Variants in GPRC5A observed in about 807,000 individuals in gnomAD.
GPRC5A encodes the protein retinoic acid-induced protein 3.
A neutral mutation model predicts 22.5 loss-of-function variants in GPRC5A; 19 were observed. That is an observed-to-expected ratio of 0.85 (90% CI 0.59 to 1.24). The LOEUF (loss-of-function observed/expected upper bound fraction) is 1.24, where lower values mean the gene tolerates loss of function less well. GPRC5A is among the 50% of genes most tolerant of loss of function. GPRC5A has a pLI of 0.00. For missense variants in GPRC5A, 471 were observed against 451.1 expected (o/e 1.04, Z -0.40); for synonymous variants, 192 against 184.5 (o/e 1.04, Z -0.33).
At chr12:12,905,987 G>A (rs1722136323) in intron 1 of GPRC5A, among the ~76,000 whole-genome samples, 1 of 152,112 alleles carries the variant, frequency 6.6e-6, no homozygotes, top group Non-Finnish European at 1.5e-5. Flanking sequence ...GAGGGGAGGG[G>A]TAGGGAGAGA....
chr12:12,914,999 A>G lies in GPRC5A; in HGVS notation c.*2460A>G, dbSNP rs1864049138. 6.6e-6 allele frequency: 1 copy of G among 150,380 alleles called. No homozygotes were observed. The highest frequency in any genetic ancestry group is 2.5e-5 in the African/African-American group (1 of 40,746). 9.3% of individuals were successfully genotyped at this position (150,380 alleles called of 1,614,324 possible). A position where few individuals can be genotyped will look rare whatever the true frequency, so the allele number is the denominator to read the frequency against. On this transcript the variant is annotated 3_prime_UTR_variant, in exon 4 of 4. Coordinates refer to ENST00000014914, the MANE Select transcript of GPRC5A (RefSeq NM_003979.4). Reference sequence around the variant, plus strand: ...GAGGAGGAGTAAAAGGTAAAATCACAAAATACTCTGGATCGGCATTTTTTT... The same window carrying G: ...GAGGAGGAGTAAAAGGTAAAATCACGAAATACTCTGGATCGGCATTTTTTT...
chr12:12,901,756 G>A (rs1490491883), intron 1 of GPRC5A, among the ~76,000 whole-genome samples: 2 of 134,746 alleles, frequency 1.5e-5, no homozygotes, highest in Non-Finnish European at 1.6e-5. Flanking sequence ...CATCAGACTT[G>A]GGCATCAAAA....
rs977455101 is a variant in GPRC5A at position 12,913,473 on chromosome 12, T to A, written c.*934T>A. On this transcript the variant is annotated 3_prime_UTR_variant, in exon 4 of 4. Coordinates refer to ENST00000014914, the MANE Select transcript of GPRC5A (RefSeq NM_003979.4). ...ATTTGTAGATCATTCTCACTTCAAA[T>A]TCCTGGGGCTGATACTTCTCTCATC... The A allele has an allele frequency of 6.6e-6, 1 of 152,212 alleles. No homozygotes were observed. The highest frequency in any genetic ancestry group is 2.4e-5 in the African/African-American group (1 of 41,456). 9.4% of individuals were successfully genotyped at this position (152,212 alleles called of 1,614,324 possible). A position where few individuals can be genotyped will look rare whatever the true frequency, so the allele number is the denominator to read the frequency against.
chr12:12,908,771 T>A lies in GPRC5A; in HGVS notation c.522T>A (p.Asn174Lys). The A allele has an allele frequency of 6.2e-7, 1 of 1,614,248 alleles. No homozygotes were observed. The highest frequency in any genetic ancestry group is 2.2e-5 in the East Asian group (1 of 44,884). The change falls in exon 2 of 4, where the codon AAT becomes AAA. Residue 174 changes from asparagine (N) to lysine (K), a missense_variant. Physicochemically the swap from Asn to Lys is moderately conservative, Grantham distance 94. Coordinates refer to ENST00000014914, the MANE Select transcript of GPRC5A (RefSeq NM_003979.4). ...VFSELSAPRRNEDFVLLLTYV... is the reference protein window; with the variant it reads ...VFSELSAPRRKEDFVLLLTYV... ...CTGAGCTTTCCGCTCCTCGTCGCAA[T>A]GAAGACTTTGTCCTCCTGCTCACCT...
At chr12:12,903,578 C>T (rs1298203430) in intron 1 of GPRC5A, among the ~76,000 whole-genome samples, 4 of 152,208 alleles carry the variant, frequency 2.6e-5, no homozygotes, top group Non-Finnish European at 4.4e-5. Flanking sequence ...TGAGCCACTG[C>T]GGCTGGCCTA....
chr12:12,897,620 T>G (rs1259103593), intron 1 of GPRC5A, among the ~76,000 whole-genome samples: 1 of 151,394 alleles, frequency 6.6e-6, no homozygotes, highest in African/African-American at 2.4e-5. Context: ...TTTTTTTTTT[T>G]TTTTTTGAGA....
Position 12,897,692 on chromosome 12 carries a change from T to C in GPRC5A, c.-8+6028T>C, listed in dbSNP as rs553854582. 2.4e-3 allele frequency among the ~76,000 whole-genome samples: 359 copies of C among 150,498 alleles called. 1 individual carries two copies. Among genetic ancestry groups the C allele is most frequent in the Non-Finnish European group, 3.6e-3 (244 of 67,738 alleles). On this transcript the variant is annotated intron_variant, in intron 1 of 3. Coordinates refer to ENST00000014914, the MANE Select transcript of GPRC5A (RefSeq NM_003979.4). ...GGCGTGATCTCAGCTCATTGCAGCC[T>C]CTGCCTCCTGGGTTCAAGCGGTTTT...
intron 1 of GPRC5A, among the ~76,000 whole-genome samples, chr12:12,897,669 C>T (rs1003660339): frequency 6.8e-6 from 1 of 146,280 alleles, no homozygotes; most frequent in Non-Finnish European, 1.5e-5. Flanking sequence ...AGTGTAGTGG[C>T]GTGATCTCAG....
Position 12,916,709 on chromosome 12 carries a change from A to G in GPRC5A, c.*4170A>G, listed in dbSNP as rs1864067536. On this transcript the variant is annotated 3_prime_UTR_variant, in exon 4 of 4. Coordinates refer to ENST00000014914, the MANE Select transcript of GPRC5A (RefSeq NM_003979.4). Reference sequence around the variant, plus strand: ...CATCCAATCTGGCATCTTTACGGAGAGCGGTCTCATATGCTATTGTTGTTA... The same window carrying G: ...CATCCAATCTGGCATCTTTACGGAGGGCGGTCTCATATGCTATTGTTGTTA... 6.6e-6 allele frequency: 1 copy of G among 152,110 alleles called. No individual in the cohort carries two copies. 9.4% of individuals were successfully genotyped at this position (152,110 alleles called of 1,614,324 possible).
chr12:12,907,418 G>T lies in GPRC5A; in HGVS notation c.-7-825G>T, dbSNP rs570098651. Among the ~76,000 whole-genome samples, 26 of 107,760 alleles carry T rather than the reference G, an allele frequency of 2.4e-4. No individual in the cohort carries two copies. In the East Asian group the frequency reaches 0.01, roughly 42 times the overall value. 70.7% of individuals were successfully genotyped at this position (107,760 alleles called of 152,430 possible). ...TCTGTCTCAAAAAAAAAAAAAAAGA[G>T]AGAGAAAGAAAAATCTACCATTCAG... On this transcript the variant is annotated intron_variant, in intron 1 of 3. Coordinates refer to ENST00000014914, the MANE Select transcript of GPRC5A (RefSeq NM_003979.4).
At chr12:12,901,146 GGCCAGAGGCTACTCAT>G (rs1863882969) in intron 1 of GPRC5A, among the ~76,000 whole-genome samples, 1 of 152,038 alleles carries the variant, frequency 6.6e-6, no homozygotes. Context: ...TCATGCCCAA[GGCCAGAGGCTACTCAT>G]GCTGAAACAT....
intron 1 of GPRC5A, among the ~76,000 whole-genome samples, chr12:12,903,725 C>T (rs1269594559): frequency 2.0e-5 from 3 of 152,186 alleles, no homozygotes; most frequent in Non-Finnish European, 4.4e-5. Flanking sequence ...TTTGTTGGAT[C>T]CTGGTCTGTG....
rs1232411420 is a variant in GPRC5A at position 12,915,712 on chromosome 12, G to A, written c.*3173G>A. 2 of 297,712 alleles carry A rather than the reference G, an allele frequency of 6.7e-6. No individual in the cohort carries two copies. The highest frequency in any genetic ancestry group is 9.7e-5 in the East Asian group (1 of 10,280). 18.4% of individuals were successfully genotyped at this position (297,712 alleles called of 1,614,324 possible). A position where few individuals can be genotyped will look rare whatever the true frequency, so the allele number is the denominator to read the frequency against. On this transcript the variant is annotated 3_prime_UTR_variant, in exon 4 of 4. Transcript: ENST00000014914. ...TCACTATATGGGCCAGGCAGATCTC[G>A]AACTCCAAACCTCGTGATCCACCTA...
rs1565465073 is a variant in GPRC5A, at chr12:12,908,356, C to T, written c.107C>T (p.Thr36Ile). 1 of 1,614,120 alleles carries T rather than the reference C, an allele frequency of 6.2e-7. No homozygotes were observed. Among genetic ancestry groups the T allele is most frequent in the African/African-American group, 1.3e-5 (1 of 75,058 alleles). Residue 36 changes from threonine to isoleucine, a missense_variant, in exon 2 of 4, where the codon ACA (threonine) becomes ATA (isoleucine). By Grantham distance (89) the Thr-to-Ile change is moderately conservative. Transcript: ENST00000014914. ...AWGIVLETVA[T>I]AGVVTSVAFM... The stretch of plus-strand genomic sequence containing the variant: ...GGCATCGTCCTAGAAACGGTGGCCA[C>T]AGCCGGGGTTGTGACCTCGGTGGCC...
rs767627654 is a variant in GPRC5A, at chr12:12,909,122, G to A, written c.873G>A (p.Lys291=). ...TCTGTAAACCTCAACTCGTGAAGAA[G>A]AGCTATGGTGTGGAGAACAGAGCCT... ...DAFCKPQLVK[K]SYGVENRAYS... is the part of the protein sequence containing the mutation. The change falls in exon 2 of 4, where the codon AAG becomes AAA. Residue 291 remains lysine (K), a synonymous_variant. Transcript: ENST00000014914. The A allele has an allele frequency of 4.4e-6, 7 of 1,600,172 alleles. No individual in the cohort carries two copies. The South Asian group carries it at 5.5e-5, about 13-fold the overall frequency.
chr12:12,905,110 C>T (rs996154192), intron 1 of GPRC5A, among the ~76,000 whole-genome samples: 2 of 152,114 alleles, frequency 1.3e-5, no homozygotes, highest in African/African-American at 4.8e-5. Context: ...GTCTCAAACT[C>T]CTGACCTCAG....
At chr12:12,901,060 C>T (rs1458391572) in intron 1 of GPRC5A, among the ~76,000 whole-genome samples, 2 of 152,100 alleles carry the variant, frequency 1.3e-5, no homozygotes, top group African/African-American at 4.8e-5. Flanking sequence ...CCTTGTGTTA[C>T]TGGATGGCTG....
In GPRC5A at chr12:12,908,756, C is replaced by T. The variant is rs779931794; in HGVS notation, c.507C>T (p.Ser169=). The change falls in exon 2 of 4, where the codon TCC becomes TCT. Residue 169 remains serine, a synonymous_variant. Transcript: ENST00000014914. The part of the protein sequence containing the change: ...RTNVNVFSEL[S]APRRNEDFVL... ...ACGTCAATGTCTTTTCTGAGCTTTC[C>T]GCTCCTCGTCGCAATGAAGACTTTG... 1.4e-5 allele frequency: 23 copies of T among 1,614,036 alleles called. No homozygotes were observed. The African/African-American group carries it at 1.5e-4, about 10-fold the overall frequency.
At chr12:12,910,633 T>TA in intron 2 of GPRC5A, among the ~76,000 whole-genome samples, 1 of 152,300 alleles carries the variant, frequency 6.6e-6, no homozygotes, top group Admixed American at 6.5e-5. Context: ...GCTCCAGGTG[T>TA]GTCTGTCCTC....
Sources: allele counts gnomAD v4.1 joint callset (sites outside exome capture counted in the v4.1 genomes callset), GRCh38; gene constraint gnomAD v4.1.1; transcripts MANE v1.5; gene names NCBI Gene and HGNC (gene_info 2026-07-23, HGNC 2026-07-21).